SRSF7: variants seen among roughly 807,000 people sequenced by gnomAD.
SRSF7 encodes serine and arginine rich splicing factor 7.
Under a neutral mutation model 42.2 loss-of-function variants are expected in SRSF7, and 15 were observed. The observed-to-expected ratio is 0.36, with a 90% CI of 0.24 to 0.55. The LOEUF (loss-of-function observed/expected upper bound fraction) is 0.55. Among genes scored for constraint, SRSF7 ranks in the 20% least tolerant of loss-of-function variants. SRSF7 has a pLI of 0.88. For synonymous variants in SRSF7, 138 were observed against 107.9 expected (o/e 1.28, Z -1.73); for missense variants, 181 against 305.9 (o/e 0.59, Z 3.04).
At position 38,743,769 on chromosome 2, in the gene SRSF7, T is replaced by C; in HGVS notation, c.*1364A>G. 1 of 152,552 alleles carries C rather than the reference T, an allele frequency of 6.6e-6. No homozygotes were observed. Among genetic ancestry groups the C allele is most frequent in the Non-Finnish European group, 1.5e-5 (1 of 68,030 alleles). The allele number at this position is 152,552 out of a possible 1,614,324, so 9.4% of individuals were successfully genotyped here. ...AATTCCAAAAACAATCCAAATAACT[T>C]CCAACATACTAGCGGTCAAACTACC... is the stretch of plus-strand genomic sequence containing the variant. On this transcript the variant is annotated 3_prime_UTR_variant, in exon 8 of 8. Coordinates refer to ENST00000313117, the MANE Select transcript of SRSF7 (RefSeq NM_001031684.3).
At chr2:38,747,451 T>C (rs1667628079) in intron 5 of SRSF7, among the ~76,000 whole-genome samples, 3 of 152,240 alleles carry the variant, frequency 2.0e-5, no homozygotes, top group South Asian at 4.1e-4. Context: ...GATAACAATA[T>C]TGTTAATTAC....
In SRSF7 at chr2:38,750,124, A is replaced by G; in HGVS notation, c.99T>C (p.Tyr33=). The G allele has an allele frequency of 1.9e-6, 3 of 1,613,690 alleles. No homozygotes were observed. The highest frequency in any genetic ancestry group is 2.5e-6 in the Non-Finnish European group (3 of 1,179,850). The change falls in exon 2 of 8, where the codon TAT becomes TAC. Residue 33 remains tyrosine, a synonymous_variant. Transcript: ENST00000313117. ...TCCATACAGTTCTTAAAGGACCATA[A>G]TAACTGAAAGCCCTTTCTAACTCTC... The part of the protein sequence containing the change: ...GKGELERAFS[Y]YGPLRTVWIA...
At chr2:38,748,016 A>T (rs987190500) in intron 5 of SRSF7, 31 bp downstream of exon 5, 1 of 1,528,520 alleles carries the variant, frequency 6.5e-7, no homozygotes, top group Non-Finnish European at 9.1e-7. Context: ...GAACAATCCA[A>T]ACACAAGTAA....
chr2:38,747,660 GA>G (rs1314667341), intron 5 of SRSF7, among the ~76,000 whole-genome samples: 2 of 152,080 alleles, frequency 1.3e-5, no homozygotes, highest in African/African-American at 4.8e-5. Flanking sequence ...CCAAAAATGA[GA>G]AATGTTTCTA....
intron 3 of SRSF7, chr2:38,749,152 T>C: frequency 7.6e-7 from 1 of 1,320,072 alleles, no homozygotes; most frequent in Non-Finnish European, 1.0e-6. Flanking sequence ...GTTACGGCGA[T>C]CACCGTCTCA....
Position 38,745,064 on chromosome 2 carries a change from CAG to C in SRSF7, c.*67_*68del. On this transcript the variant is annotated 3_prime_UTR_variant, in exon 8 of 8. Transcript: ENST00000313117. ...ATTATCTTTCCTAGGTTACACTTTA[CAG>C]ACATCACAAATCCCTTATAATAATG... is the stretch of plus-strand genomic sequence containing the variant. 1 of 1,490,076 alleles carries C rather than the reference CAG, an allele frequency of 6.7e-7. No individual in the cohort carries two copies. Among genetic ancestry groups the C allele is most frequent in the South Asian group, 1.2e-5 (1 of 86,788 alleles). 92.3% of individuals were successfully genotyped at this position (1,490,076 alleles called of 1,614,324 possible). A position where few individuals can be genotyped will look rare whatever the true frequency, so the allele number is the denominator to read the frequency against.
chr2:38,743,802 C>T lies in SRSF7; in HGVS notation c.*1331G>A. 4 of 152,582 alleles carry T rather than the reference C, an allele frequency of 2.6e-5. No homozygotes were observed. Among genetic ancestry groups the T allele is most frequent in the Non-Finnish European group, 5.9e-5 (4 of 68,050 alleles). The allele number at this position is 152,582 out of a possible 1,614,324, so 9.5% of individuals were successfully genotyped here. The stretch of plus-strand genomic sequence containing the variant: ...ACTAGCGGTCAAACTACCGAATAAA[C>T]TTGATGCAGACCAGTATTCCCAAGT... On this transcript the variant is annotated 3_prime_UTR_variant, in exon 8 of 8. Coordinates refer to ENST00000313117, the MANE Select transcript of SRSF7 (RefSeq NM_001031684.3).
chr2:38,747,788 C>T (rs1667692118), intron 5 of SRSF7, among the ~76,000 whole-genome samples: 3 of 152,220 alleles, frequency 2.0e-5, no homozygotes, highest in African/African-American at 7.2e-5. Flanking sequence ...AGCAACATGC[C>T]TACCCAGAGT....
At chr2:38,748,281 AG>A (rs1202964942) in intron 4 of SRSF7, 124 bp from the exon 5 acceptor site, 1 of 744,290 alleles carries the variant, frequency 1.3e-6, no homozygotes, top group African/African-American at 1.8e-5. Flanking sequence ...GGATCGTTTG[AG>A]CCCAGGAGCT....
In SRSF7 at chr2:38,751,279, C is replaced by T; in HGVS notation, c.-23G>A. The T allele has an allele frequency of 1.2e-6, 2 of 1,613,962 alleles. No individual in the cohort carries two copies. Among genetic ancestry groups the T allele is most frequent in the Non-Finnish European group, 1.7e-6 (2 of 1,179,918 alleles). ...CATGATGACAGACCCGCGTGCTCGG[C>T]TCTTTAGCAAGCAGCGCCCAGGGCT... On this transcript the variant is annotated 5_prime_UTR_variant, in exon 1 of 8. Coordinates refer to ENST00000313117, the MANE Select transcript of SRSF7 (RefSeq NM_001031684.3).
chr2:38,748,584 T>C lies in SRSF7; in HGVS notation c.456A>G (p.Gly152=). The C allele has an allele frequency of 6.5e-4, 1,044 of 1,614,016 alleles. 5 individuals are homozygous for C. In the African/African-American group the frequency reaches 0.012, roughly 19 times the overall value. Residue 152 remains glycine, a synonymous_variant, in exon 4 of 8, where the codon GGA becomes GGG. Transcript: ENST00000313117. The part of the protein sequence containing the change: ...RYSRSRSRSR[G]RRSRSASPRR... ...TCAGTTAAACAAGATCTCACCTTCG[T>C]CCCCTGCTCCTGCTGCGTGAGCGAG...
At chr2:38,745,658 A>G (rs189483954) in intron 7 of SRSF7, among the ~76,000 whole-genome samples, 152 of 142,674 alleles carry the variant, frequency 1.1e-3, no homozygotes, top group African/African-American at 3.6e-3. Context: ...TCCATCCCAG[A>G]AAAAAAAAAA....
At chr2:38,747,567 T>TA (rs374964528) in intron 5 of SRSF7, among the ~76,000 whole-genome samples, 261 of 148,282 alleles carry the variant, frequency 1.8e-3, no homozygotes, top group African/African-American at 5.3e-3. Context: ...TGAAACGGTC[T>TA]AAAAAAAAAA....
intron 3 of SRSF7, chr2:38,749,251 G>C: frequency 7.1e-7 from 1 of 1,402,626 alleles, no homozygotes; most frequent in African/African-American, 1.4e-5. Context: ...TCAAGGTCTA[G>C]GAGGATCTTA....
intron 1 of SRSF7, 35 bp from the exon 2 acceptor site, chr2:38,750,229 C>A (rs3112183): frequency 6.4e-7 from 1 of 1,560,756 alleles, no homozygotes; most frequent in Non-Finnish European, 8.7e-7. Context: ...ATGCACGTTA[C>A]GCAAAATCTG....
intron 1 of SRSF7, 49 bp from the exon 2 acceptor site, chr2:38,750,243 C>A (rs1268477513): frequency 2.0e-5 from 31 of 1,542,886 alleles, no homozygotes; most frequent in African/African-American, 4.2e-5. Flanking sequence ...AAATCTGGCC[C>A]AAGTTTCAAT....
intron 1 of SRSF7, 31 bp from the exon 2 acceptor site, chr2:38,750,225 G>A (rs200580969): frequency 2.5e-6 from 4 of 1,570,856 alleles, no homozygotes; most frequent in Non-Finnish European, 3.4e-6. Flanking sequence ...AAGAATGCAC[G>A]TTACGCAAAA....
chr2:38,749,469 C>CTAAT, intron 3 of SRSF7, 60 bp downstream of exon 3: 1 of 1,544,314 alleles, frequency 6.5e-7, no homozygotes, highest in Non-Finnish European at 8.7e-7. Flanking sequence ...TTCTGCCTTG[C>CTAAT]TAATAAAAGA....
chr2:38,744,092 T>C lies in SRSF7; in HGVS notation c.*1041A>G. On this transcript the variant is annotated 3_prime_UTR_variant, in exon 8 of 8. Coordinates refer to ENST00000313117, the MANE Select transcript of SRSF7 (RefSeq NM_001031684.3). Reference sequence around the variant, plus strand: ...TAGCTACATGGAGTGTTGCTAAATATAGCTGAGATTTACAAAACCACTTTA... The same window carrying C: ...TAGCTACATGGAGTGTTGCTAAATACAGCTGAGATTTACAAAACCACTTTA... The C allele has an allele frequency of 1.3e-5, 2 of 152,612 alleles. No individual in the cohort carries two copies. Among genetic ancestry groups the C allele is most frequent in the South Asian group, 2.1e-4 (1 of 4,826 alleles). The allele number at this position is 152,612 out of a possible 1,614,324, so 9.5% of individuals were successfully genotyped here.
Sources: allele counts gnomAD v4.1 joint callset (sites outside exome capture counted in the v4.1 genomes callset), GRCh38; gene constraint gnomAD v4.1.1; transcripts MANE v1.5; gene names NCBI Gene and HGNC (gene_info 2026-07-23, HGNC 2026-07-21).